Variants in NRG1 observed in about 807,000 individuals in gnomAD.
NRG1 encodes the protein neuregulin 1.
In NRG1, 18 loss-of-function variants were observed where a neutral mutation model predicts 63.8. That is an observed-to-expected ratio of 0.28 (90% CI 0.19 to 0.42). The LOEUF (loss-of-function observed/expected upper bound fraction) is 0.42. Ranked by LOEUF, NRG1 falls within the 10% of genes least tolerant of loss-of-function variation. The pLI is 1.00. For synonymous variants in NRG1, 302 were observed against 301.3 expected, an observed-to-expected ratio of 1.00 and a Z score of -0.02; for missense variants, 762 against 814.7, an observed-to-expected ratio of 0.94 and a Z score of 0.79.
At chr8:31,716,508 C>T (rs1279175889) in intron 1 of NRG1, among the ~76,000 whole-genome samples, 1 of 152,184 alleles carries the variant, frequency 6.6e-6, no homozygotes, top group Non-Finnish European at 1.5e-5. Context: ...TGGCACATTG[C>T]CTCAGTGCTC....
intron 1 of NRG1, among the ~76,000 whole-genome samples, chr8:31,965,610 G>A (rs1326329481): frequency 1.3e-5 from 2 of 152,166 alleles, no homozygotes; most frequent in Admixed American, 6.5e-5. Flanking sequence ...TCTATTTTTA[G>A]TTCCTTGAGA....
At chr8:32,031,640 T>G (rs1818271439) in intron 1 of NRG1, among the ~76,000 whole-genome samples, 2 of 152,130 alleles carry the variant, frequency 1.3e-5, no homozygotes, top group African/African-American at 2.4e-5. Flanking sequence ...GGCCCCAGTG[T>G]GTGTTGTTCC....
At chr8:31,639,342 C>T in exon 1 of NRG1, 1 of 1,531,516 alleles carries the variant, frequency 6.5e-7, no homozygotes, top group East Asian at 2.5e-5. Context: ...CGCGCGGGGA[C>T]GGGGACGCCC....
chr8:32,463,599 T>C (rs111802542), intron 1 of NRG1, among the ~76,000 whole-genome samples: 3 of 152,048 alleles, frequency 2.0e-5, no homozygotes, highest in African/African-American at 7.2e-5. Flanking sequence ...CCATAGCACT[T>C]TGGGAGGCTG....
chr8:32,391,886 A>G (rs1811819115), intron 1 of NRG1, among the ~76,000 whole-genome samples: 1 of 152,220 alleles, frequency 6.6e-6, no homozygotes, highest in Non-Finnish European at 1.5e-5. Flanking sequence ...TCGAGTCCAA[A>G]GGATAATTCA....
Position 32,309,314 on chromosome 8 carries a change from C to A in NRG1, c.38-286514C>A, listed in dbSNP as rs931141591. Among the ~76,000 whole-genome samples the A allele has an allele frequency of 5.3e-5, 8 of 151,886 alleles. No individual in the cohort carries two copies. In the South Asian group the frequency reaches 1.5e-3, roughly 28 times the overall value. ...ACGCTTATGTGCCTGTGGTTTTACA[C>A]CCCCCCACCCCAAATATCTCCTAGT... On this transcript the variant is annotated intron_variant, in intron 1 of 10. Coordinates refer to the NRG1 transcript ENST00000519301.
intron 1 of NRG1, among the ~76,000 whole-genome samples, chr8:32,531,131 AGAGAGAAG>A (rs942569939): frequency 2.0e-5 from 3 of 152,006 alleles, no homozygotes; most frequent in Admixed American, 6.6e-5. Context: ...AGAGAGACAG[AGAGAGAAG>A]GAGAGAAGGA....
chr8:31,904,977 A>G (rs1426732134), intron 1 of NRG1, among the ~76,000 whole-genome samples: 1 of 152,034 alleles, frequency 6.6e-6, no homozygotes, highest in Non-Finnish European at 1.5e-5. Context: ...CATGGAATTT[A>G]CCTATATAAC....
Position 31,683,112 on chromosome 8 carries a change from C to A in NRG1, c.37+43681C>A, listed in dbSNP as rs556278742. The stretch of plus-strand genomic sequence containing the variant: ...CTGCTGAGGTTTTATTAGAGCCTAA[C>A]ATACCTGGGCTAAGAGAAAGGAAGG... On this transcript the variant is annotated intron_variant, in intron 1 of 10. Coordinates refer to the NRG1 transcript ENST00000519301. 2.0e-5 allele frequency among the ~76,000 whole-genome samples: 3 copies of A among 152,268 alleles called. No homozygotes were observed. The South Asian group carries it at 6.2e-4, about 32-fold the overall frequency.
intron 1 of NRG1, among the ~76,000 whole-genome samples, chr8:32,167,414 A>T (rs1333159035): frequency 1.3e-5 from 2 of 152,210 alleles, no homozygotes; most frequent in Non-Finnish European, 2.9e-5. Context: ...AATATTGAAC[A>T]TACGGGGTTG....
intron 5 of NRG1, among the ~76,000 whole-genome samples, chr8:32,690,057 C>T (rs1256519338): frequency 6.6e-6 from 1 of 152,124 alleles, no homozygotes; most frequent in Non-Finnish European, 1.5e-5. Flanking sequence ...TCCTGATACA[C>T]TTTGATATAC....
chr8:31,712,971 G>A (rs375968810), intron 1 of NRG1, among the ~76,000 whole-genome samples: 4 of 146,076 alleles, frequency 2.7e-5, no homozygotes, highest in African/African-American at 5.2e-5. Flanking sequence ...TCATCTCTCT[G>A]TCCATCCATC....
chr8:32,514,116 T>C (rs1309559292), intron 1 of NRG1, among the ~76,000 whole-genome samples: 3 of 152,214 alleles, frequency 2.0e-5, no homozygotes, highest in African/African-American at 7.2e-5. Context: ...CCAAGACTTG[T>C]CTGCAAATTC....
At chr8:32,153,889 C>T (rs1300315405) in intron 1 of NRG1, among the ~76,000 whole-genome samples, 3 of 152,192 alleles carry the variant, frequency 2.0e-5, no homozygotes, top group Admixed American at 6.5e-5. Flanking sequence ...AATTGAATAG[C>T]TTAGTTCTAG....
chr8:31,714,568 T>C (rs1401128763), intron 1 of NRG1, among the ~76,000 whole-genome samples: 1 of 152,210 alleles, frequency 6.6e-6, no homozygotes, highest in Non-Finnish European at 1.5e-5. Context: ...TAGAGTTCTA[T>C]GTGAGAAAAG....
chr8:32,463,918 G>GTTTTTTTTTTTT (rs200324300), intron 1 of NRG1, among the ~76,000 whole-genome samples: 6 of 68,640 alleles, frequency 8.7e-5, no homozygotes, highest in Non-Finnish European at 1.8e-4. Flanking sequence ...TTTTTTGGGG[G>GTTTTTTTTTTTT]AGGGTCTCAT....
chr8:32,684,981 A>G (rs1052472679), intron 5 of NRG1, among the ~76,000 whole-genome samples: 8 of 152,202 alleles, frequency 5.3e-5, no homozygotes, highest in Non-Finnish European at 8.8e-5. Flanking sequence ...AGGAAATAAT[A>G]CAGAGAGAAC....
chr8:32,494,570 C>G (rs1826974188), intron 1 of NRG1, among the ~76,000 whole-genome samples: 1 of 151,938 alleles, frequency 6.6e-6, no homozygotes, highest in African/African-American at 2.4e-5. Context: ...TAGCAATCAG[C>G]CATGATAAGA....
intron 1 of NRG1, among the ~76,000 whole-genome samples, chr8:31,980,214 G>T (rs1355737053): frequency 6.6e-6 from 1 of 151,972 alleles, no homozygotes. Flanking sequence ...ATTGATGTAA[G>T]AAACTACTTA....
Sources: allele counts gnomAD v4.1 joint callset (sites outside exome capture counted in the v4.1 genomes callset), GRCh38; gene constraint gnomAD v4.1.1; transcripts MANE v1.5; gene names NCBI Gene and HGNC (gene_info 2026-07-23, HGNC 2026-07-21).